SAMMSON: variants seen among roughly 807,000 people sequenced by gnomAD.
SAMMSON encodes the protein survival associated mitochondrial melanoma specific oncogenic non-coding RNA, also known as long intergenic non-protein coding RNA 1212.
At chr3:70,115,234 A>T (rs1472090308) in intron 4 of SAMMSON, among the ~76,000 whole-genome samples, 2 of 151,422 alleles carry the variant, frequency 1.3e-5, no homozygotes, top group Non-Finnish European at 2.9e-5. Flanking sequence ...AAAGAAAGAA[A>T]GAAAAAAAGC....
At chr3:70,135,167 G>T (rs1468728935) in intron 4 of SAMMSON, among the ~76,000 whole-genome samples, 18 of 151,902 alleles carry the variant, frequency 1.2e-4, no homozygotes, top group Non-Finnish European at 8.8e-5. Flanking sequence ...TGGTCTTATT[G>T]GTTTTTTCTC....
intron 4 of SAMMSON, among the ~76,000 whole-genome samples, chr3:70,155,780 T>C (rs2067589924): frequency 6.6e-6 from 1 of 152,084 alleles, no homozygotes; most frequent in Non-Finnish European, 1.5e-5. Context: ...TGATTTGTTT[T>C]GAAAATCCAG....
At chr3:70,290,930 C>A (rs1355697016) in intron 6 of SAMMSON, among the ~76,000 whole-genome samples, 1 of 152,128 alleles carries the variant, frequency 6.6e-6, no homozygotes, top group Admixed American at 6.5e-5. Flanking sequence ...GCGCACGGTG[C>A]GCGCACCCAC....
chr3:70,109,989 C>A (rs374850984), intron 4 of SAMMSON, among the ~76,000 whole-genome samples: 43 of 152,156 alleles, frequency 2.8e-4, no homozygotes, highest in African/African-American at 9.9e-4. Flanking sequence ...AAAGAGCTCA[C>A]AGTTTACAAA....
downstream of SAMMSON, among the ~76,000 whole-genome samples, chr3:70,392,067 C>T (rs1701053521): frequency 1.3e-5 from 2 of 152,152 alleles, no homozygotes; most frequent in African/African-American, 2.4e-5. Context: ...GGGTACCCCG[C>T]CTAGCCCTAG....
rs1041414429 is a variant in SAMMSON at position 70,306,594 on chromosome 3, AT to A, written n.739+15359del. Among the ~76,000 whole-genome samples the A allele has an allele frequency of 2.6e-5, 4 of 151,376 alleles. No individual in the cohort carries two copies. In the East Asian group the frequency reaches 7.8e-4, roughly 29 times the overall value. On this transcript the variant is annotated intron_variant and non_coding_transcript_variant, in intron 7 of 9. Transcript: ENST00000642114. ...TTCCCCACCCCCTATTTTTTTTATCATTTTTTTTCTCTCTCATGAATTTTCC... is the reference window on the plus strand; with the variant it reads ...TTCCCCACCCCCTATTTTTTTTATCATTTTTTTCTCTCTCATGAATTTTCC...
At chr3:70,088,772 G>A (rs530370594) in intron 4 of SAMMSON, among the ~76,000 whole-genome samples, 1 of 152,238 alleles carries the variant, frequency 6.6e-6, no homozygotes, top group Non-Finnish European at 1.5e-5. Context: ...AGGTATTATA[G>A]TAGTTCCTTG....
At chr3:70,062,870 G>C (rs1260995338) in intron 3 of SAMMSON, among the ~76,000 whole-genome samples, 2 of 152,152 alleles carry the variant, frequency 1.3e-5, no homozygotes, top group African/African-American at 4.8e-5. Flanking sequence ...AAAGTGAGCA[G>C]TTAGTATTGG....
downstream of SAMMSON, among the ~76,000 whole-genome samples, chr3:70,390,466 A>T (rs1701035306): frequency 1.3e-5 from 2 of 152,258 alleles, no homozygotes; most frequent in South Asian, 4.1e-4. Flanking sequence ...GCATAGCAGC[A>T]TCTGGTTTTG....
intron 4 of SAMMSON, among the ~76,000 whole-genome samples, chr3:70,082,365 A>T (rs1449563623): frequency 6.6e-6 from 1 of 152,194 alleles, no homozygotes; most frequent in African/African-American, 2.4e-5. Flanking sequence ...TCCCAGAAGG[A>T]GCTAACCTAG....
At chr3:70,180,626 A>C (rs936521778) in intron 4 of SAMMSON, among the ~76,000 whole-genome samples, 71 of 152,180 alleles carry the variant, frequency 4.7e-4, no homozygotes, top group Non-Finnish European at 2.1e-4. Context: ...CAAATGTTCA[A>C]GTTCTTTGAG....
At chr3:70,413,587 C>T (rs906743734) in intron 2 of SAMMSON, among the ~76,000 whole-genome samples, 16 of 151,978 alleles carry the variant, frequency 1.1e-4, no homozygotes, top group Non-Finnish European at 4.4e-5. Context: ...TGGAATTCCC[C>T]CAAGAGGGCA....
intron 2 of SAMMSON, among the ~76,000 whole-genome samples, chr3:70,405,900 A>G (rs1447759140): frequency 1.3e-5 from 2 of 152,232 alleles, no homozygotes; most frequent in Non-Finnish European, 2.9e-5. Context: ...ATTACAATCA[A>G]GTTTTTGAAA....
intron 6 of SAMMSON, among the ~76,000 whole-genome samples, chr3:70,270,220 C>A (rs1380271879): frequency 6.6e-6 from 1 of 152,104 alleles, no homozygotes; most frequent in East Asian, 1.9e-4. Context: ...GTCTCAATGA[C>A]CAGTTGGTTT....
At chr3:70,290,890 G>T (rs1702231225) in intron 6 of SAMMSON, among the ~76,000 whole-genome samples, 1 of 152,174 alleles carries the variant, frequency 6.6e-6, no homozygotes, top group South Asian at 2.1e-4. Context: ...CGCTTCCCGA[G>T]TGAGGCAATG....
At chr3:70,368,206 T>G (rs1323274801) in intron 9 of SAMMSON, among the ~76,000 whole-genome samples, 1 of 151,582 alleles carries the variant, frequency 6.6e-6, no homozygotes, top group Admixed American at 6.6e-5. Context: ...GAACATAGAT[T>G]TCATCCAATG....
chr3:70,171,822 T>C (rs1313074728), intron 4 of SAMMSON, among the ~76,000 whole-genome samples: 3 of 151,942 alleles, frequency 2.0e-5, no homozygotes, highest in Non-Finnish European at 4.4e-5. Flanking sequence ...CAAAAATGAA[T>C]GAATCTCCCA....
intron 4 of SAMMSON, chr3:70,125,948 G>C (rs2067456684): frequency 1.3e-6 from 1 of 757,562 alleles, no homozygotes; most frequent in Non-Finnish European, 2.3e-6. Flanking sequence ...GGTGGCTGAG[G>C]AGATGTGGGT....
intron 6 of SAMMSON, among the ~76,000 whole-genome samples, chr3:70,287,312 T>A (rs1288617786): frequency 2.1e-5 from 3 of 145,638 alleles, no homozygotes; most frequent in Non-Finnish European, 4.5e-5. Context: ...TCTATTGAGA[T>A]AATCATGTGG....
Sources: gnomAD v4.1 joint callset for allele counts (sites outside exome capture counted in the v4.1 genomes callset) on GRCh38, gnomAD v4.1.1 for gene constraint, MANE v1.5 for transcripts, NCBI Gene and HGNC (gene_info 2026-07-23, HGNC 2026-07-21) for gene names.